The following EFR3B variants were observed in gnomAD, a reference collection of about 807,000 sequenced individuals.
EFR3B encodes EFR3 homolog B.
EFR3B carries 64 observed loss-of-function variants against 104.7 expected under a neutral mutation model. The observed-to-expected ratio is 0.61, with a 90% confidence interval of 0.50 to 0.75. EFR3B has a LOEUF of 0.75. Among genes scored for constraint, EFR3B ranks in the 30% least tolerant of loss-of-function variants. EFR3B has a pLI of 0.00. For missense variants in EFR3B, 750 were observed against 1,078.5 expected (o/e 0.70, Z 4.27); for synonymous variants, 385 against 417.9 (o/e 0.92, Z 0.96).
chr2:25,120,456 C>A (rs1669981658), intron 4 of EFR3B, among the ~76,000 whole-genome samples: 1 of 152,042 alleles, frequency 6.6e-6, no homozygotes. Context: ...CCATCCTGGC[C>A]AACATGGTGA....
At chr2:25,103,416 T>G (rs1669476905) in intron 3 of EFR3B, among the ~76,000 whole-genome samples, 1 of 152,200 alleles carries the variant, frequency 6.6e-6, no homozygotes, top group East Asian at 1.9e-4. Context: ...GCTGGATGAG[T>G]TGGTCTCTAG....
chr2:25,079,115 A>G (rs540836077), intron 1 of EFR3B, among the ~76,000 whole-genome samples: 70 of 152,300 alleles, frequency 4.6e-4, no homozygotes, highest in Non-Finnish European at 7.6e-4. Context: ...CTACTGGGGC[A>G]TCCCTTGTTA....
chr2:25,068,843 A>G (rs1300743512), intron 1 of EFR3B, among the ~76,000 whole-genome samples: 1 of 148,776 alleles, frequency 6.7e-6, no homozygotes, highest in Non-Finnish European at 1.5e-5. Flanking sequence ...GTTAGCCAGG[A>G]TGGTCTCTAT....
chr2:25,049,541 G>A (rs1053239831), intron 1 of EFR3B, among the ~76,000 whole-genome samples: 1 of 152,196 alleles, frequency 6.6e-6, no homozygotes, highest in Non-Finnish European at 1.5e-5. Flanking sequence ...CAGTAAAGTT[G>A]CACTGTTTTG....
At chr2:25,147,955 G>GTGGAGGT (rs1670864908) in intron 19 of EFR3B, 1 of 150,370 alleles carries the variant, frequency 6.7e-6, no homozygotes, top group Non-Finnish European at 1.5e-5. Flanking sequence ...CAACCAGGAG[G>GTGGAGGT]TGGAGGTTGT....
At chr2:25,148,628 A>G (rs1292355791) in intron 19 of EFR3B, among the ~76,000 whole-genome samples, 1 of 151,658 alleles carries the variant, frequency 6.6e-6, no homozygotes, top group Non-Finnish European at 1.5e-5. Context: ...TAATACTTTA[A>G]GACTTCAGAA....
chr2:25,092,148 A>G (rs1669142821), intron 2 of EFR3B, among the ~76,000 whole-genome samples: 1 of 151,356 alleles, frequency 6.6e-6, no homozygotes, highest in South Asian at 2.1e-4. Flanking sequence ...GGCTCACTGC[A>G]ACCTCTGACT....
rs1670410462 is a variant in EFR3B, at chr2:25,133,003, A to G, written c.1248A>G (p.Thr416=). The G allele has an allele frequency of 6.4e-7, 1 of 1,551,400 alleles. No homozygotes were observed. The highest frequency in any genetic ancestry group is 1.2e-5 in the South Asian group (1 of 84,060). Residue 416 remains threonine (T), a synonymous_variant, in exon 11 of 23, where the codon ACA becomes ACG. Coordinates refer to ENST00000403714, the MANE Select transcript of EFR3B (RefSeq NM_014971.2). ...PRPSLHQAVD[T]GRTGENRNRL... is the part of the protein sequence containing the mutation. ...CATCCCTGCACCAGGCGGTGGACACAGGCAGGACGGGGTGAGCCACCAATC... is the reference window on the plus strand; with the variant it reads ...CATCCCTGCACCAGGCGGTGGACACGGGCAGGACGGGGTGAGCCACCAATC...
rs1671133785 is a variant in EFR3B at position 25,155,428 on chromosome 2, C to G, written c.*1088C>G. ...GACAAAGTCTGGGACATCAGCACCA[C>G]CTGGCAACGCTTGTGGCTTGGGAGG... On this transcript the variant is annotated 3_prime_UTR_variant, in exon 23 of 23. Coordinates refer to ENST00000403714, the MANE Select transcript of EFR3B (RefSeq NM_014971.2). 6.6e-6 allele frequency: 1 copy of G among 152,232 alleles called. No individual in the cohort carries two copies. 9.4% of individuals were successfully genotyped at this position (152,232 alleles called of 1,614,324 possible).
At chr2:25,148,292 C>T (rs981590298) in intron 19 of EFR3B, among the ~76,000 whole-genome samples, 15 of 151,202 alleles carry the variant, frequency 9.9e-5, no homozygotes, top group Non-Finnish European at 1.8e-4. Flanking sequence ...CTCCCTCTGT[C>T]GCCCAGGCTG....
At chr2:25,124,277 A>AGTGTGTGTGTGT (rs5829961) in intron 5 of EFR3B, among the ~76,000 whole-genome samples, 45 of 124,896 alleles carry the variant, frequency 3.6e-4, no homozygotes, top group East Asian at 2.0e-3. Context: ...TGTGCATGCA[A>AGTGTGTGTGTGT]GTGTGTGTGT....
At chr2:25,099,403 T>C (rs1669370493) in intron 3 of EFR3B, among the ~76,000 whole-genome samples, 1 of 152,054 alleles carries the variant, frequency 6.6e-6, no homozygotes, top group African/African-American at 2.4e-5. Flanking sequence ...TGCCTTTGTA[T>C]TTGAAAGACA....
At chr2:25,074,297 G>C (rs1668574497) in intron 1 of EFR3B, among the ~76,000 whole-genome samples, 1 of 152,172 alleles carries the variant, frequency 6.6e-6, no homozygotes, top group South Asian at 2.1e-4. Context: ...TGAGCACAGT[G>C]GCTCACGCCT....
At chr2:25,080,937 T>C (rs986224616) in intron 1 of EFR3B, 1 of 767,654 alleles carries the variant, frequency 1.3e-6, no homozygotes, top group African/African-American at 1.7e-5. Context: ...TCCCATCTTC[T>C]GTTCAAGCCG....
In EFR3B at chr2:25,157,822, G is replaced by A. The variant is rs1671215488; in HGVS notation, c.*3482G>A. The A allele has an allele frequency of 6.6e-6, 1 of 152,332 alleles. No homozygotes were observed. The highest frequency in any genetic ancestry group is 6.5e-5 in the Admixed American group (1 of 15,284). 9.4% of individuals were successfully genotyped at this position (152,332 alleles called of 1,614,324 possible). On this transcript the variant is annotated 3_prime_UTR_variant, in exon 23 of 23. Coordinates refer to ENST00000403714, the MANE Select transcript of EFR3B (RefSeq NM_014971.2). The stretch of plus-strand genomic sequence containing the variant: ...CTCTCTCTTTGAAAAGTAGAAATCA[G>A]TGGTTTCTTGACTCCTAAACAGCCT...
At chr2:25,044,691 A>C (rs940426511) in intron 1 of EFR3B, among the ~76,000 whole-genome samples, 2 of 152,158 alleles carry the variant, frequency 1.3e-5, no homozygotes, top group African/African-American at 4.8e-5. Flanking sequence ...ATGGAGCCGA[A>C]AGTCACCTAA....
intron 1 of EFR3B, among the ~76,000 whole-genome samples, chr2:25,057,170 C>A (rs1668044089): frequency 6.6e-6 from 1 of 152,200 alleles, no homozygotes; most frequent in South Asian, 2.1e-4. Context: ...AGGGATAATT[C>A]TCCCTTTGTG....
At chr2:25,067,520 C>T (rs752556429) in intron 1 of EFR3B, among the ~76,000 whole-genome samples, 8 of 151,718 alleles carry the variant, frequency 5.3e-5, no homozygotes, top group East Asian at 1.9e-4. Context: ...CTGCAACCTC[C>T]GCCTCCTGGG....
chr2:25,143,343 T>G (rs1204926308), intron 17 of EFR3B, among the ~76,000 whole-genome samples: 1 of 151,766 alleles, frequency 6.6e-6, no homozygotes, highest in East Asian at 1.9e-4. Flanking sequence ...TCATCTTGCA[T>G]AGTGAAGATG....
Sources: gnomAD v4.1 joint callset for allele counts (sites outside exome capture counted in the v4.1 genomes callset) on GRCh38, gnomAD v4.1.1 for gene constraint, MANE v1.5 for transcripts, NCBI Gene and HGNC (gene_info 2026-07-23, HGNC 2026-07-21) for gene names.